The following ITGAE variants were observed in gnomAD, a reference collection of about 807,000 sequenced individuals.
ITGAE encodes the protein integrin subunit alpha E, also known as integrin alpha-E.
A neutral mutation model predicts 136.5 loss-of-function variants in ITGAE; 99 were observed. That is an observed-to-expected ratio of 0.73 (90% CI 0.62 to 0.86). The LOEUF (loss-of-function observed/expected upper bound fraction) is 0.86. ITGAE is among the 40% of genes least tolerant of loss of function. The pLI is 0.00. For synonymous variants in ITGAE, 613 were observed against 591.8 expected (o/e 1.04, Z -0.52); for missense variants, 1,447 against 1,515.3 (o/e 0.95, Z 0.75).
chr17:3,786,145 T>C (rs1485515138), intron 1 of ITGAE, among the ~76,000 whole-genome samples: 22 of 133,310 alleles, frequency 1.7e-4, no homozygotes, highest in East Asian at 8.5e-4. Flanking sequence ...CCAGCCTGGG[T>C]GACAGAGAGA....
chr17:3,723,733 C>G lies in ITGAE; in HGVS notation c.3096G>C (p.Val1032=). ...KKLTRTQAST[V]CTWSQERACA... Reference sequence around the variant, plus strand: ...AAGCGCGCTCCTGACTCCAGGTGCACACCGTGGAGGCCTGAAACGAGAGCC... The same window carrying G: ...AAGCGCGCTCCTGACTCCAGGTGCAGACCGTGGAGGCCTGAAACGAGAGCC... The change falls in exon 27 of 31, where the codon GTG becomes GTC. Residue 1032 remains valine, a synonymous_variant. Transcript: ENST00000263087. 6.2e-7 allele frequency: 1 copy of G among 1,606,990 alleles called. No individual in the cohort carries two copies. The highest frequency in any genetic ancestry group is 8.5e-7 in the Non-Finnish European group (1 of 1,176,894).
intron 1 of ITGAE, among the ~76,000 whole-genome samples, chr17:3,796,826 G>A (rs150062204): frequency 7.9e-5 from 12 of 152,216 alleles, no homozygotes; most frequent in East Asian, 7.7e-4. Context: ...TAAGTACCAC[G>A]ATTCCCAATT....
At chr17:3,796,085 GTA>G (rs766996494) in intron 1 of ITGAE, among the ~76,000 whole-genome samples, 7 of 130,912 alleles carry the variant, frequency 5.3e-5, no homozygotes, top group Admixed American at 7.5e-5. Flanking sequence ...GCATCCCTGT[GTA>G]TGCATCCGTG....
intron 19 of ITGAE, among the ~76,000 whole-genome samples, chr17:3,740,303 A>T (rs2051554026): frequency 6.6e-6 from 1 of 152,094 alleles, no homozygotes; most frequent in Admixed American, 6.6e-5. Context: ...GGAGTGGGGG[A>T]TGCCTAGCCA....
At chr17:3,795,465 G>A (rs993625735) in intron 1 of ITGAE, among the ~76,000 whole-genome samples, 1 of 152,244 alleles carries the variant, frequency 6.6e-6, no homozygotes, top group South Asian at 2.1e-4. Flanking sequence ...TGCCTTCCAG[G>A]CACCACGCTA....
At chr17:3,725,095 C>T (rs2051176218) in intron 26 of ITGAE, 2 of 1,614,108 alleles carry the variant, frequency 1.2e-6, no homozygotes, top group Non-Finnish European at 1.7e-6. Context: ...ACCAGGGCTT[C>T]CTTCAGTTTC....
At chr17:3,770,405 C>T (rs770013319) in intron 2 of ITGAE, among the ~76,000 whole-genome samples, 3 of 152,136 alleles carry the variant, frequency 2.0e-5, no homozygotes, top group Non-Finnish European at 4.4e-5. Flanking sequence ...GCTGGGATTA[C>T]GGGTGTGAGC....
chr17:3,725,049 C>T, intron 26 of ITGAE: 1 of 1,614,216 alleles, frequency 6.2e-7, no homozygotes, highest in Non-Finnish European at 8.5e-7. Flanking sequence ...CACCCAGGAC[C>T]TGACTCCTTT....
intron 29 of ITGAE, 117 bp downstream of exon 29, chr17:3,720,190 C>G: frequency 1.7e-6 from 1 of 601,846 alleles, no homozygotes; most frequent in Non-Finnish European, 3.0e-6. Context: ...ATGGCAGAGC[C>G]AAGATCAGAA....
intron 1 of ITGAE, among the ~76,000 whole-genome samples, chr17:3,778,082 C>T (rs74905506): frequency 0.037 from 5,649 of 152,168 alleles, 359 homozygotes; most frequent in African/African-American, 0.13. Context: ...GAAAACGTAT[C>T]CCCAAAACTG....
At chr17:3,788,725 T>A (rs1344323338) in intron 1 of ITGAE, among the ~76,000 whole-genome samples, 1 of 143,648 alleles carries the variant, frequency 7.0e-6, no homozygotes, top group African/African-American at 2.5e-5. Context: ...AATAATTATT[T>A]AAAAATAATA....
At chr17:3,776,121 G>A (rs901677439) in intron 2 of ITGAE, among the ~76,000 whole-genome samples, 37 of 135,224 alleles carry the variant, frequency 2.7e-4, no homozygotes, top group Admixed American at 9.2e-4. Context: ...GCAATGGCAC[G>A]ATCTTGGCTC....
chr17:3,762,568 C>T (rs936446265), intron 3 of ITGAE, among the ~76,000 whole-genome samples: 12 of 150,788 alleles, frequency 8.0e-5, no homozygotes, highest in African/African-American at 2.7e-4. Flanking sequence ...GTCTGTTCAA[C>T]TCAGTGCCTC....
intron 19 of ITGAE, among the ~76,000 whole-genome samples, chr17:3,740,962 T>C (rs2051570890): frequency 6.6e-6 from 1 of 152,082 alleles, no homozygotes; most frequent in Non-Finnish European, 1.5e-5. Context: ...GCCCAGGGCT[T>C]GAAAGGGAAC....
At chr17:3,766,958 C>T (rs879349716) in intron 2 of ITGAE, among the ~76,000 whole-genome samples, 7 of 152,062 alleles carry the variant, frequency 4.6e-5, no homozygotes, top group Admixed American at 3.9e-4. Context: ...TCATCTTCCC[C>T]GCCACAGCAA....
chr17:3,787,119 C>CT (rs1404244746), intron 1 of ITGAE, among the ~76,000 whole-genome samples: 18 of 146,940 alleles, frequency 1.2e-4, no homozygotes, highest in East Asian at 6.0e-4. Flanking sequence ...TTTTTTTTTC[C>CT]TTTTTTTTTT....
At chr17:3,768,527 C>T (rs770807031) in intron 2 of ITGAE, among the ~76,000 whole-genome samples, 1 of 152,174 alleles carries the variant, frequency 6.6e-6, no homozygotes, top group Non-Finnish European at 1.5e-5. Flanking sequence ...GCATTTCCTG[C>T]CTCAGGCCCT....
rs772071748 is a variant in ITGAE, at chr17:3,747,991, C to T, written c.2086G>A (p.Gly696Ser). ...CGGACATTCACGACGCCGTTGAAGC[C>T]GATGGGCAGTGCGCTGGGGGTGAAG... ...MAFTPSALPI[G>S]FNGVVNVRLC... Residue 696 changes from glycine (G) to serine (S), a missense_variant, in exon 17 of 31, where the codon GGC (glycine) becomes AGC (serine). Around this residue, in one of 3 missense-constraint regions of ITGAE, gnomAD observed 1,031 missense variants for 1,011.4 expected, o/e 1.02. Coordinates refer to ENST00000263087, the MANE Select transcript of ITGAE (RefSeq NM_002208.5). 5.6e-6 allele frequency: 9 copies of T among 1,613,176 alleles called. No homozygotes were observed. Among genetic ancestry groups the T allele is most frequent in the South Asian group, 4.4e-5 (4 of 91,080 alleles).
intron 26 of ITGAE, chr17:3,726,022 A>C: frequency 2.5e-6 from 4 of 1,614,022 alleles, no homozygotes; most frequent in Non-Finnish European, 3.4e-6. Context: ...TTGGAACGGG[A>C]TGGGATTGTG....
Sources: allele counts gnomAD v4.1 joint callset (sites outside exome capture counted in the v4.1 genomes callset), GRCh38; gene constraint gnomAD v4.1.1; regional missense constraint gnomAD v4.1.1; transcripts MANE v1.5; gene names NCBI Gene and HGNC (gene_info 2026-07-23, HGNC 2026-07-21).